The following ZNF804B variants were observed in gnomAD, a reference collection of about 807,000 sequenced individuals.
ZNF804B encodes the protein zinc finger protein 804B.
Under a neutral mutation model 101.4 loss-of-function variants are expected in ZNF804B, and 80 were observed. The ratio of observed to expected loss-of-function variants is 0.79; its 90% confidence interval spans 0.66 to 0.95. The LOEUF is 0.95. Ranked by LOEUF, ZNF804B falls within the 40% of genes least tolerant of loss-of-function variation. The pLI is 0.00. For synonymous variants in ZNF804B, 622 were observed against 558.8 expected (o/e 1.11, Z -1.59); for missense variants, 1,673 against 1,561.9 (o/e 1.07, Z -1.20).
chr7:88,999,408 C>A (rs905687777), intron 1 of ZNF804B, among the ~76,000 whole-genome samples: 3 of 151,986 alleles, frequency 2.0e-5, no homozygotes, highest in African/African-American at 7.2e-5. Context: ...AAATTGATTT[C>A]TTTCAACTGG....
intron 1 of ZNF804B, among the ~76,000 whole-genome samples, chr7:88,766,241 T>G (rs1336956275): frequency 1.3e-5 from 2 of 152,170 alleles, no homozygotes; most frequent in Non-Finnish European, 2.9e-5. Context: ...GCCCAGGAGC[T>G]GGAGGCTGCA....
intron 1 of ZNF804B, among the ~76,000 whole-genome samples, chr7:88,825,413 G>T (rs560506935): frequency 1.3e-5 from 2 of 151,992 alleles, no homozygotes; most frequent in East Asian, 3.9e-4. Flanking sequence ...CTAGTATATG[G>T]AGAACCAGAC....
chr7:89,156,135 TGGAGTTTCAC>T (rs1790971553), intron 1 of ZNF804B, among the ~76,000 whole-genome samples: 1 of 147,696 alleles, frequency 6.8e-6, no homozygotes, highest in Non-Finnish European at 1.5e-5. Context: ...CCTTCTTTCA[TGGAGTTTCAC>T]TCTTGTTGCC....
intron 1 of ZNF804B, among the ~76,000 whole-genome samples, chr7:89,112,741 A>C (rs1019624095): frequency 1.3e-5 from 2 of 152,166 alleles, no homozygotes; most frequent in Admixed American, 1.3e-4. Context: ...TTGAGGCTGC[A>C]TAGTGCTTAT....
At chr7:89,155,377 A>G (rs1213321039) in intron 1 of ZNF804B, among the ~76,000 whole-genome samples, 1 of 152,082 alleles carries the variant, frequency 6.6e-6, no homozygotes, top group Non-Finnish European at 1.5e-5. Flanking sequence ...TTTCTCATCC[A>G]TAATATCTCA....
At chr7:88,993,982 T>C (rs961756582) in intron 1 of ZNF804B, among the ~76,000 whole-genome samples, 9 of 152,122 alleles carry the variant, frequency 5.9e-5, no homozygotes, top group African/African-American at 1.7e-4. Flanking sequence ...TTTGATCATA[T>C]ATGTATAGGC....
chr7:88,857,353 GA>G, intron 1 of ZNF804B, among the ~76,000 whole-genome samples: 1 of 152,130 alleles, frequency 6.6e-6, no homozygotes, highest in East Asian at 1.9e-4. Context: ...CAACGAAATT[GA>G]TAGACCACTA....
chr7:89,155,342 G>A (rs1466990759), intron 1 of ZNF804B, among the ~76,000 whole-genome samples: 3 of 152,168 alleles, frequency 2.0e-5, no homozygotes, highest in South Asian at 2.1e-4. Flanking sequence ...CTTTCGAACA[G>A]CCTCTAATTT....
At chr7:89,293,335 C>T (rs1790327122) in intron 2 of ZNF804B, among the ~76,000 whole-genome samples, 1 of 151,844 alleles carries the variant, frequency 6.6e-6, no homozygotes, top group Admixed American at 6.6e-5. Context: ...ATAATTCCAC[C>T]ATATATACAT....
At chr7:89,131,127 T>C (rs1052350392) in intron 1 of ZNF804B, among the ~76,000 whole-genome samples, 3 of 152,160 alleles carry the variant, frequency 2.0e-5, no homozygotes, top group African/African-American at 7.2e-5. Flanking sequence ...GTATCTGAGA[T>C]CTTTGATTTG....
intron 1 of ZNF804B, among the ~76,000 whole-genome samples, chr7:88,847,173 A>AAT (rs1791384782): frequency 6.6e-6 from 1 of 151,930 alleles, no homozygotes; most frequent in Non-Finnish European, 1.5e-5. Context: ...GAAAAATATT[A>AAT]ATATATATCA....
intron 1 of ZNF804B, among the ~76,000 whole-genome samples, chr7:89,185,686 AC>A (rs1346042977): frequency 6.6e-6 from 1 of 151,776 alleles, no homozygotes; most frequent in Non-Finnish European, 1.5e-5. Context: ...CATGGTGAAA[AC>A]CTGTCTTACT....
chr7:89,084,341 C>T (rs1172290634), intron 1 of ZNF804B, among the ~76,000 whole-genome samples: 1 of 151,752 alleles, frequency 6.6e-6, no homozygotes, highest in Admixed American at 6.6e-5. Context: ...GAGGACCAAC[C>T]ATAGTGAAGT....
intron 1 of ZNF804B, among the ~76,000 whole-genome samples, chr7:88,888,758 G>GT (rs1329884336): frequency 6.6e-6 from 1 of 151,904 alleles, no homozygotes; most frequent in Non-Finnish European, 1.5e-5. Flanking sequence ...CCCTGACCCT[G>GT]TTTTTTGTTT....
At chr7:89,219,682 G>A (rs1788951576) in intron 2 of ZNF804B, among the ~76,000 whole-genome samples, 1 of 151,456 alleles carries the variant, frequency 6.6e-6, no homozygotes, top group Admixed American at 6.6e-5. Context: ...ATTGCTAACA[G>A]CTGTAACAAG....
rs114677926 is a variant in ZNF804B at position 89,030,367 on chromosome 7, G to A, written c.109-187788G>A. ...TTCATGACTATTGCTGTTGAAGAGTGGGTTTGGGTATAATGAGTAATTTCT... is the reference window on the plus strand; with the variant it reads ...TTCATGACTATTGCTGTTGAAGAGTAGGTTTGGGTATAATGAGTAATTTCT... On this transcript the variant is annotated intron_variant, in intron 1 of 3. Coordinates refer to ENST00000333190, the MANE Select transcript of ZNF804B (RefSeq NM_181646.5). Among the ~76,000 whole-genome samples, 321 of 152,218 alleles carry A rather than the reference G, an allele frequency of 2.1e-3. 4 individuals carry two copies. The highest frequency in any genetic ancestry group is 7.4e-3 in the African/African-American group (308 of 41,538).
At chr7:89,022,597 A>T (rs1037740519) in intron 1 of ZNF804B, among the ~76,000 whole-genome samples, 1 of 152,216 alleles carries the variant, frequency 6.6e-6, no homozygotes, top group Non-Finnish European at 1.5e-5. Context: ...CTTGTAGGAC[A>T]GTGTTTTCTG....
chr7:89,020,495 G>T (rs1788649988), intron 1 of ZNF804B, among the ~76,000 whole-genome samples: 2 of 152,002 alleles, frequency 1.3e-5, no homozygotes, highest in African/African-American at 4.8e-5. Flanking sequence ...AGAATTATTT[G>T]TTTATCTTTG....
At chr7:88,919,871 G>A (rs1792694210) in intron 1 of ZNF804B, among the ~76,000 whole-genome samples, 1 of 152,076 alleles carries the variant, frequency 6.6e-6, no homozygotes, top group South Asian at 2.1e-4. Context: ...GAGAAGAAAA[G>A]TAGTTGAATT....
Sources: gnomAD v4.1 joint callset for allele counts (sites outside exome capture counted in the v4.1 genomes callset) on GRCh38, gnomAD v4.1.1 for gene constraint, MANE v1.5 for transcripts, NCBI Gene and HGNC (gene_info 2026-07-23, HGNC 2026-07-21) for gene names.